FBLN2: variants seen among roughly 807,000 people sequenced by gnomAD.
FBLN2 encodes fibulin-2.
Under a neutral mutation model 123.7 loss-of-function variants are expected in FBLN2, and 81 were observed. The ratio of observed to expected loss-of-function variants is 0.65; its 90% CI spans 0.55 to 0.79. The LOEUF is 0.79. FBLN2 is among the 30% of genes least tolerant of loss of function. The pLI is 0.00. For synonymous variants in FBLN2, 699 were observed against 701.4 expected, an observed-to-expected ratio of 1.00 and a Z score of 0.05; for missense variants, 1,603 against 1,681.3, an observed-to-expected ratio of 0.95 and a Z score of 0.81.
At chr3:13,584,060 G>A (rs917008254) in intron 2 of FBLN2, among the ~76,000 whole-genome samples, 6 of 152,200 alleles carry the variant, frequency 3.9e-5, no homozygotes, top group African/African-American at 2.4e-5. Flanking sequence ...GGGGACCAGA[G>A]ACTGTACCTA....
intron 16 of FBLN2, among the ~76,000 whole-genome samples, chr3:13,633,044 G>A (rs901770678): frequency 1.3e-5 from 2 of 152,212 alleles, no homozygotes; most frequent in African/African-American, 2.4e-5. Context: ...TTTGCTCTTG[G>A]AGGAGTTTCA....
chr3:13,631,260 G>A (rs987538577), intron 15 of FBLN2, 69 bp from the exon 16 acceptor site: 2 of 1,552,480 alleles, frequency 1.3e-6, no homozygotes, highest in Non-Finnish European at 1.7e-6. Context: ...GACAGGGACA[G>A]GCTGACTGTC....
intron 2 of FBLN2, among the ~76,000 whole-genome samples, chr3:13,594,501 T>C (rs1704780378): frequency 1.3e-5 from 2 of 152,162 alleles, no homozygotes; most frequent in South Asian, 2.1e-4. Flanking sequence ...GTCCTGGGGA[T>C]TGGGGATAAC....
At position 13,570,320 on chromosome 3, in the gene FBLN2, T is replaced by TA. The variant is rs933539286; in HGVS notation, c.-35dup. 6 of 1,487,688 alleles carry TA rather than the reference T, an allele frequency of 4.0e-6. No individual in the cohort carries two copies. The highest frequency in any genetic ancestry group is 5.4e-6 in the Non-Finnish European group (6 of 1,115,044). 92.2% of individuals were successfully genotyped at this position (1,487,688 alleles called of 1,614,324 possible). On this transcript the variant is annotated 5_prime_UTR_variant, in exon 2 of 18. Coordinates refer to ENST00000404922, the MANE Select transcript of FBLN2 (RefSeq NM_001004019.2). Reference sequence around the variant, plus strand: ...TTCCTTTCTGATTCCCCCAGGGTCTTACAGGAGAGGGGACCGTCCTGGGCT... The same window carrying TA: ...TTCCTTTCTGATTCCCCCAGGGTCTTAACAGGAGAGGGGACCGTCCTGGGCT...
chr3:13,629,714 GT>G (rs1706186925), intron 13 of FBLN2, 105 bp from the exon 14 acceptor site: 1 of 1,425,452 alleles, frequency 7.0e-7, no homozygotes. Context: ...TTCCTTCTGG[GT>G]CCCTCTCCCA....
At position 13,621,806 on chromosome 3, in the gene FBLN2, T is replaced by C. The variant is rs773026528; in HGVS notation, c.2187T>C (p.Asp729=). Residue 729 remains aspartate (D), a synonymous_variant, in exon 9 of 18, where the codon GAT becomes GAC. Coordinates refer to ENST00000404922, the MANE Select transcript of FBLN2 (RefSeq NM_001004019.2). ...DQDECLMGAH[D]CSRRQFCVNT... ...ACGAGTGCCTGATGGGTGCTCACGA[T>C]TGTAGCCGGCGACAGTTCTGTGTGA... The C allele has an allele frequency of 2.5e-6, 4 of 1,613,892 alleles. No homozygotes were observed. The East Asian group carries it at 8.9e-5, about 36-fold the overall frequency.
At chr3:13,602,005 G>T (rs1358472659) in intron 2 of FBLN2, among the ~76,000 whole-genome samples, 4 of 152,188 alleles carry the variant, frequency 2.6e-5, no homozygotes, top group African/African-American at 9.7e-5. Flanking sequence ...TGTTTCTCAG[G>T]CTGGTCTCAA....
At chr3:13,617,170 C>CCATCCATCCATCCATA (rs1705643497) in intron 5 of FBLN2, among the ~76,000 whole-genome samples, 1 of 151,728 alleles carries the variant, frequency 6.6e-6, no homozygotes, top group East Asian at 1.9e-4. Flanking sequence ...ATCCATCCAT[C>CCATCCATCCATCCATA]CATCCATCTA....
At chr3:13,577,748 G>C (rs1469817045) in intron 2 of FBLN2, among the ~76,000 whole-genome samples, 2 of 152,154 alleles carry the variant, frequency 1.3e-5, no homozygotes, top group Non-Finnish European at 2.9e-5. Flanking sequence ...CTCCGTGGCT[G>C]GACAGGTGCC....
rs148569743 is a variant in FBLN2, at chr3:13,585,853, A to G, written c.1306+14192A>G. 3.5e-3 allele frequency among the ~76,000 whole-genome samples: 534 copies of G among 152,324 alleles called. 2 individuals carry two copies. Among genetic ancestry groups the G allele is most frequent in the African/African-American group, 0.012 (501 of 41,560 alleles). ...CGTGTAGTTAGTTACAGTGCATCAT[A>G]CTTGATAATGAATGTCTGTGTTACC... On this transcript the variant is annotated intron_variant, in intron 2 of 17. Coordinates refer to ENST00000404922, the MANE Select transcript of FBLN2 (RefSeq NM_001004019.2).
intron 5 of FBLN2, among the ~76,000 whole-genome samples, chr3:13,614,935 TCCATCCACCCAC>T (rs1199192636): frequency 5.4e-5 from 8 of 149,354 alleles, no homozygotes; most frequent in Non-Finnish European, 8.9e-5. Context: ...CATCCATCCA[TCCATCCACCCAC>T]CCATCCGTCT....
At chr3:13,628,036 T>C in intron 11 of FBLN2, 67 bp downstream of exon 11, 1 of 1,546,912 alleles carries the variant, frequency 6.5e-7, no homozygotes, top group Non-Finnish European at 8.8e-7. Flanking sequence ...GTGGGGGCTT[T>C]TAGGGCTTTA....
At chr3:13,619,665 G>A (rs1350689432) in intron 7 of FBLN2, 65 bp from the exon 8 acceptor site, 1 of 1,359,866 alleles carries the variant, frequency 7.4e-7, no homozygotes, top group Non-Finnish European at 1.0e-6. Flanking sequence ...CAGGGATGGG[G>A]AATGAGCCAG....
At chr3:13,568,369 C>T (rs1703812061) in intron 1 of FBLN2, among the ~76,000 whole-genome samples, 1 of 152,240 alleles carries the variant, frequency 6.6e-6, no homozygotes, top group South Asian at 2.1e-4. Flanking sequence ...ATCCCCTGTG[C>T]CACCATCTCC....
At chr3:13,593,617 G>C (rs1451604143) in intron 2 of FBLN2, among the ~76,000 whole-genome samples, 1 of 151,898 alleles carries the variant, frequency 6.6e-6, no homozygotes, top group African/African-American at 2.4e-5. Context: ...GGGAGGCTGA[G>C]GCGGGAGAAT....
At chr3:13,615,827 G>T (rs951727848) in intron 5 of FBLN2, among the ~76,000 whole-genome samples, 1 of 152,158 alleles carries the variant, frequency 6.6e-6, no homozygotes, top group African/African-American at 2.4e-5. Flanking sequence ...TCCCACTTCT[G>T]CCCCAGCCTT....
rs566429590 is a variant in FBLN2, at chr3:13,592,023, T to C, written c.1307-16039T>C. 6.5e-3 allele frequency among the ~76,000 whole-genome samples: 976 copies of C among 149,376 alleles called. 11 individuals are homozygous for C. Among genetic ancestry groups the C allele is most frequent in the African/African-American group, 0.021 (844 of 40,746 alleles). On this transcript the variant is annotated intron_variant, in intron 2 of 17. Coordinates refer to ENST00000404922, the MANE Select transcript of FBLN2 (RefSeq NM_001004019.2). The stretch of plus-strand genomic sequence containing the variant: ...CTGTTTCTGGCCTCTCTTTTCTTTT[T>C]TTTTTTTTTTTTTTATTTTGAGCCA...
intron 2 of FBLN2, among the ~76,000 whole-genome samples, chr3:13,606,949 G>T (rs537233633): frequency 1.3e-5 from 2 of 148,632 alleles, no homozygotes; most frequent in Non-Finnish European, 3.0e-5. Context: ...CACCGTGCCC[G>T]GCTGACTATA....
intron 8 of FBLN2, 94 bp from the exon 9 acceptor site, chr3:13,621,681 C>G (rs1705855766): frequency 7.0e-7 from 1 of 1,425,496 alleles, no homozygotes. Flanking sequence ...GCCCCTGCCC[C>G]TTGCTGGGTC....
Sources: gnomAD v4.1 joint callset for allele counts (sites outside exome capture counted in the v4.1 genomes callset) on GRCh38, gnomAD v4.1.1 for gene constraint, MANE v1.5 for transcripts, NCBI Gene and HGNC (gene_info 2026-07-23, HGNC 2026-07-21) for gene names.